Variants in GRM3 observed in about 807,000 individuals in gnomAD.
The protein encoded by GRM3 is metabotropic glutamate receptor 3.
In GRM3, 26 loss-of-function variants were observed where a neutral mutation model predicts 70.5. That is an observed-to-expected ratio of 0.37 (90% confidence interval 0.27 to 0.51). The LOEUF is 0.51. GRM3 is among the 20% of genes least tolerant of loss of function. GRM3 has a pLI of 0.93. For synonymous variants in GRM3, 443 were observed against 434.9 expected (o/e 1.02, Z -0.23); for missense variants, 859 against 1,123.8 (o/e 0.76, Z 3.37).
intron 2 of GRM3, among the ~76,000 whole-genome samples, chr7:86,780,345 TA>T (rs1368327282): frequency 1.3e-5 from 2 of 152,172 alleles, no homozygotes; most frequent in African/African-American, 4.8e-5. Context: ...AAAGTATAAT[TA>T]AAAAATACCA....
intron 1 of GRM3, among the ~76,000 whole-genome samples, chr7:86,667,428 AT>A (rs1237297095): frequency 6.6e-6 from 1 of 152,080 alleles, no homozygotes; most frequent in East Asian, 1.9e-4. Context: ...TTAGTTCTGC[AT>A]TTTTCTGATT....
intron 1 of GRM3, among the ~76,000 whole-genome samples, chr7:86,647,211 T>C (rs1584136018): frequency 6.6e-6 from 1 of 152,344 alleles, no homozygotes; most frequent in East Asian, 1.9e-4. Flanking sequence ...CTTCCCTGGG[T>C]ACATTTTCCT....
intron 2 of GRM3, chr7:86,776,077 C>A (rs745944126): frequency 2.6e-5 from 4 of 151,880 alleles, no homozygotes; most frequent in Non-Finnish European, 4.4e-5. Flanking sequence ...CTTGTATAAT[C>A]GACATCAGTC....
At chr7:86,821,199 T>C (rs1798113146) in intron 3 of GRM3, among the ~76,000 whole-genome samples, 1 of 152,016 alleles carries the variant, frequency 6.6e-6, no homozygotes, top group Admixed American at 6.6e-5. Context: ...AAGAGAAAGA[T>C]TATGTCATAA....
intron 1 of GRM3, among the ~76,000 whole-genome samples, chr7:86,715,883 A>G (rs1433303034): frequency 6.6e-6 from 1 of 152,056 alleles, no homozygotes; most frequent in Admixed American, 6.6e-5. Flanking sequence ...AGGGTGGGGT[A>G]GAGTATGACA....
At position 86,706,735 on chromosome 7, in the gene GRM3, G is replaced by A. The variant is rs897654262; in HGVS notation, c.-140-58271G>A. Among the ~76,000 whole-genome samples, 2 of 151,998 alleles carry A rather than the reference G, an allele frequency of 1.3e-5. 1 individual carries two copies. The highest frequency in any genetic ancestry group is 1.3e-4 in the Admixed American group (2 of 15,252). On this transcript the variant is annotated intron_variant, in intron 1 of 5. Transcript: ENST00000361669. ...CACATGATCTTGAACTAGGAACACT[G>A]ACCATAGATTGGCATTGACAAAATG...
chr7:86,813,116 C>A (rs955237839), intron 3 of GRM3, among the ~76,000 whole-genome samples: 1 of 151,596 alleles, frequency 6.6e-6, no homozygotes, highest in Non-Finnish European at 1.5e-5. Flanking sequence ...TTTAAAAGTA[C>A]AACATAAAAA....
At chr7:86,691,349 GCTTT>G (rs1794692604) in intron 1 of GRM3, among the ~76,000 whole-genome samples, 1 of 151,890 alleles carries the variant, frequency 6.6e-6, no homozygotes, top group African/African-American at 2.4e-5. Flanking sequence ...GCCAAAGTGG[GCTTT>G]TTTTTTAGCA....
chr7:86,682,955 G>A (rs549346265), intron 1 of GRM3, among the ~76,000 whole-genome samples: 238 of 152,264 alleles, frequency 1.6e-3, no homozygotes, highest in African/African-American at 5.3e-3. Flanking sequence ...CATGCTGAGG[G>A]GCTTAATTGA....
chr7:86,647,491 G>A (rs745541928), intron 1 of GRM3, among the ~76,000 whole-genome samples: 1 of 152,140 alleles, frequency 6.6e-6, no homozygotes, highest in Non-Finnish European at 1.5e-5. Flanking sequence ...ATTCAGTTAC[G>A]CACACTGGAA....
chr7:86,677,457 G>C (rs186213047), intron 1 of GRM3, among the ~76,000 whole-genome samples: 1 of 151,924 alleles, frequency 6.6e-6, no homozygotes, highest in African/African-American at 2.4e-5. Context: ...TCTTTGACCT[G>C]TTGGCTTTCT....
intron 1 of GRM3, among the ~76,000 whole-genome samples, chr7:86,684,761 G>A (rs1390839767): frequency 6.6e-6 from 1 of 152,152 alleles, no homozygotes; most frequent in African/African-American, 2.4e-5. Flanking sequence ...AAGAATTCAG[G>A]TTAATTAAGA....
intron 1 of GRM3, among the ~76,000 whole-genome samples, chr7:86,663,661 G>A (rs1314384178): frequency 6.6e-6 from 1 of 151,878 alleles, no homozygotes; most frequent in Non-Finnish European, 1.5e-5. Context: ...AGTCTTGGGG[G>A]CAGATCAGAA....
intron 3 of GRM3, among the ~76,000 whole-genome samples, chr7:86,830,771 C>T (rs530433089): frequency 6.6e-6 from 1 of 152,186 alleles, no homozygotes; most frequent in African/African-American, 2.4e-5. Context: ...AAGTCATAAC[C>T]CTAGTATCTC....
At chr7:86,820,825 C>A (rs1026196676) in intron 3 of GRM3, among the ~76,000 whole-genome samples, 23 of 152,202 alleles carry the variant, frequency 1.5e-4, no homozygotes, top group Non-Finnish European at 5.9e-5. Flanking sequence ...CTTCTTGAGA[C>A]TGGCAACAAA....
chr7:86,822,099 T>G (rs1050665955), intron 3 of GRM3, among the ~76,000 whole-genome samples: 11 of 152,166 alleles, frequency 7.2e-5, no homozygotes, highest in Admixed American at 3.9e-4. Flanking sequence ...TGGCACCAGA[T>G]CTTTCTCTCT....
In GRM3 at chr7:86,767,188, G is replaced by A. The variant is rs1796619362; in HGVS notation, c.468+1575G>A. Among the ~76,000 whole-genome samples, 3 of 151,542 alleles carry A rather than the reference G, an allele frequency of 2.0e-5. 1 individual carries two copies. Among genetic ancestry groups the A allele is most frequent in the South Asian group, 4.2e-4 (2 of 4,792 alleles). ...GATCAGGCCACTGCCCTCTAGCCTG[G>A]AGCAACTGAGCAAGACTTCATCTCA... is the stretch of plus-strand genomic sequence containing the variant. On this transcript the variant is annotated intron_variant, in intron 2 of 5. Coordinates refer to ENST00000361669, the MANE Select transcript of GRM3 (RefSeq NM_000840.3).
chr7:86,786,400 A>C lies in GRM3; in HGVS notation c.608A>C (p.Glu203Ala). Residue 203 changes from glutamate (E) to alanine (A), a missense_variant, in exon 3 of 6, where the codon GAG (glutamate) becomes GCG (alanine). Transcript: ENST00000361669. This position sits in a 1 kb window ranked among gnomAD's most constrained non-coding sequence, Gnocchi z 6.0. ...PDFYQAKAMA[E>A]ILRFFNWTYV... ...TTCTACCAGGCCAAAGCCATGGCTG[A>C]GATCTTGCGCTTCTTCAACTGGACC... 1 of 1,614,170 alleles carries C rather than the reference A, an allele frequency of 6.2e-7. No homozygotes were observed. Among genetic ancestry groups the C allele is most frequent in the Non-Finnish European group, 8.5e-7 (1 of 1,180,022 alleles).
At chr7:86,738,797 T>G (rs1336959573) in intron 1 of GRM3, among the ~76,000 whole-genome samples, 2 of 152,224 alleles carry the variant, frequency 1.3e-5, no homozygotes, top group Non-Finnish European at 2.9e-5. Context: ...AAAAATGATA[T>G]CATGCACAAC....
Sources: allele counts gnomAD v4.1 joint callset (sites outside exome capture counted in the v4.1 genomes callset), GRCh38; gene constraint gnomAD v4.1.1; non-coding constraint Gnocchi (gnomAD v3.1); transcripts MANE v1.5; gene names NCBI Gene and HGNC (gene_info 2026-07-23, HGNC 2026-07-21).